ETFDH: variants seen among roughly 807,000 people sequenced by gnomAD.
ETFDH encodes electron transfer flavoprotein dehydrogenase, also known as electron transfer flavoprotein-ubiquinone oxidoreductase, mitochondrial.
ETFDH carries 61 observed loss-of-function variants against 73.2 expected under a neutral mutation model. The observed-to-expected ratio is 0.83, with a 90% CI of 0.68 to 1.03. ETFDH has a LOEUF of 1.03. ETFDH is among the 50% of genes least tolerant of loss of function. The pLI is 0.00. For synonymous variants in ETFDH, 243 were observed against 253.3 expected, an observed-to-expected ratio of 0.96 and a Z score of 0.39; for missense variants, 685 against 745.0, an observed-to-expected ratio of 0.92 and a Z score of 0.94.
rs1248795834 is a variant in ETFDH at position 158,706,174 on chromosome 4, T to A, written c.1286-15T>A. On this transcript the variant is annotated splice_polypyrimidine_tract_variant and intron_variant, in intron 10 of 12. Transcript: ENST00000511912. The stretch of plus-strand genomic sequence containing the variant: ...GGGCAGTTTCGCACTTAACATTTCA[T>A]GTTTTTAATAAAAGGACTCCATGTA... The A allele has an allele frequency of 2.5e-6, 4 of 1,579,420 alleles. No homozygotes were observed. The highest frequency in any genetic ancestry group is 3.5e-6 in the Non-Finnish European group (4 of 1,148,334).
intron 8 of ETFDH, 101 bp downstream of exon 8, chr4:158,697,800 T>A (rs907330815): frequency 1.8e-6 from 2 of 1,109,336 alleles, no homozygotes; most frequent in African/African-American, 1.6e-5. Context: ...AAAATGCTTT[T>A]TATTTAAAGC....
At chr4:158,691,316 A>G (rs4399940) in intron 6 of ETFDH, among the ~76,000 whole-genome samples, 147,086 of 152,148 alleles carry the variant, frequency 0.97, 71,100 homozygotes, top group East Asian at 1. Context: ...ATACTTTGAC[A>G]TGTTTGTTTG....
chr4:158,687,734 G>C (rs1013539950), intron 5 of ETFDH, among the ~76,000 whole-genome samples: 2 of 152,040 alleles, frequency 1.3e-5, no homozygotes, highest in Non-Finnish European at 2.9e-5. Flanking sequence ...TGCATTACTG[G>C]GGAAATTATT....
intron 6 of ETFDH, among the ~76,000 whole-genome samples, chr4:158,694,121 T>C (rs1451201001): frequency 6.6e-6 from 1 of 152,252 alleles, no homozygotes; most frequent in East Asian, 1.9e-4. Context: ...CTCATGTATT[T>C]ATTTAATGTC....
intron 3 of ETFDH, among the ~76,000 whole-genome samples, 181 bp from the exon 4 acceptor site, chr4:158,684,411 T>G (rs1287123788): frequency 6.6e-6 from 1 of 151,800 alleles, no homozygotes; most frequent in Admixed American, 6.6e-5. Context: ...AAAAAAAGAT[T>G]TCTGTACATC....
At chr4:158,686,343 A>T (rs1340442438) in intron 5 of ETFDH, among the ~76,000 whole-genome samples, 1 of 152,220 alleles carries the variant, frequency 6.6e-6, no homozygotes, top group African/African-American at 2.4e-5. Context: ...TGTTTAATCA[A>T]AGTTTTACAT....
At position 158,685,166 on chromosome 4, in the gene ETFDH, G is replaced by T; in HGVS notation, c.553G>T (p.Glu185Ter). 2 of 1,612,612 alleles carry T rather than the reference G, an allele frequency of 1.2e-6. No homozygotes were observed. Among genetic ancestry groups the T allele is most frequent in the South Asian group, 2.2e-5 (2 of 90,960 alleles). Residue 185 changes from glutamate (E) to a stop codon, truncating the protein, a stop_gained, in exon 5 of 13, where the codon GAA becomes TAA. Transcript: ENST00000511912. LOFTEE classifies it high-confidence loss of function. ...GGGACATTTAGTGAGCTGGATGGGC[G>T]AACAAGCAGAAGCCCTTGGTGTTGA... Reference protein sequence around the residue: ...RLGHLVSWMGEQAEALGVEVY... With the variant: ...RLGHLVSWMG
intron 10 of ETFDH, among the ~76,000 whole-genome samples, chr4:158,705,121 G>A (rs1316459834): frequency 6.6e-6 from 1 of 152,194 alleles, no homozygotes. Context: ...GTCATGTGGA[G>A]TCCACCAAAA....
intron 5 of ETFDH, among the ~76,000 whole-genome samples, chr4:158,688,168 C>T (rs565181865): frequency 2.0e-5 from 3 of 152,192 alleles, no homozygotes; most frequent in East Asian, 1.9e-4. Context: ...CCCAGGTGGG[C>T]GGATCACGAG....
At chr4:158,679,381 C>G (rs1484539686) in intron 1 of ETFDH, 1 of 151,916 alleles carries the variant, frequency 6.6e-6, no homozygotes, top group Non-Finnish European at 1.5e-5. Context: ...CTCTAGACAA[C>G]GGGAGAGATA....
chr4:158,707,830 G>C (rs2126319140), intron 12 of ETFDH, among the ~76,000 whole-genome samples: 1 of 152,272 alleles, frequency 6.6e-6, no homozygotes, highest in South Asian at 2.1e-4. Flanking sequence ...TAAGGTCTAT[G>C]GTAAGACTGT....
intron 9 of ETFDH, among the ~76,000 whole-genome samples, chr4:158,700,033 A>T (rs6856561): frequency 0.21 from 31,693 of 152,138 alleles, 3,642 homozygotes; most frequent in South Asian, 0.27. Flanking sequence ...AATAAAGATG[A>T]TCCCTCTGTC....
intron 5 of ETFDH, among the ~76,000 whole-genome samples, chr4:158,688,460 C>T (rs918026325): frequency 2.7e-5 from 4 of 149,416 alleles, no homozygotes; most frequent in Non-Finnish European, 4.4e-5. Flanking sequence ...CTGAGGTGGG[C>T]GGATCACGAG....
intron 1 of ETFDH, chr4:158,680,099 A>AAAAAAAAAAAAG (rs1232971602): frequency 6.5e-6 from 1 of 152,768 alleles, no homozygotes; most frequent in Non-Finnish European, 1.4e-5. Context: ...AAAAAAAAAA[A>AAAAAAAAAAAAG]AAGAAGAAGA....
intron 12 of ETFDH, among the ~76,000 whole-genome samples, chr4:158,707,908 G>C (rs1045016347): frequency 6.6e-6 from 1 of 152,178 alleles, no homozygotes; most frequent in Non-Finnish European, 1.5e-5. Flanking sequence ...TAGAAGTTAT[G>C]GCCAGAGTGT....
Position 158,682,363 on chromosome 4 carries a change from CAG to C in ETFDH, c.345_346del (p.Ala117LeufsTer3), listed in dbSNP as rs1249239184. ...GCCCAGATAGGAGCTCATACTCTCT[CAG>C]GGGCTTGCCTTGATCCAGGTGCTTT... is the stretch of plus-strand genomic sequence containing the variant. On this transcript the variant is annotated frameshift_variant, in exon 3 of 13. Transcript: ENST00000511912. LOFTEE classifies it high-confidence loss of function. 1.2e-6 allele frequency: 2 copies of C among 1,614,172 alleles called. No homozygotes were observed. The highest frequency in any genetic ancestry group is 1.7e-5 in the Admixed American group (1 of 60,026).
In ETFDH at chr4:158,673,833, T is replaced by C. The variant is rs186635968; in HGVS notation, c.34+1343T>C. On this transcript the variant is annotated intron_variant, in intron 1 of 12. Coordinates refer to ENST00000511912, the MANE Select transcript of ETFDH (RefSeq NM_004453.4). The stretch of plus-strand genomic sequence containing the variant: ...TTGCCATTTTCGTAGCCTGCTGGCA[T>C]GAAAGAGGTAGACACCAATGTGCCA... Among the ~76,000 whole-genome samples the C allele has an allele frequency of 2.4e-3, 362 of 152,344 alleles. 2 individuals carry two copies. Among genetic ancestry groups the C allele is most frequent in the Non-Finnish European group, 1.5e-3 (103 of 68,032 alleles).
Position 158,706,730 on chromosome 4 carries a change from C to A in ETFDH, c.1570C>A (p.Leu524Met). The change falls in exon 12 of 13, where the codon CTG (leucine) becomes ATG (methionine). Residue 524 changes from leucine to methionine, a missense_variant. Around this residue, in one of 3 missense-constraint regions of ETFDH, gnomAD observed 201 missense variants for 225.2 expected, o/e 0.89. Transcript: ENST00000511912. Reference sequence around the variant, plus strand: ...TTTTGACCTCTTGTCATCTGTGGCTCTGAGTGGTACTAATCATGAACATGA... The same window carrying A: ...TTTTGACCTCTTGTCATCTGTGGCTATGAGTGGTACTAATCATGAACATGA... ...ISFDLLSSVA[L>M]SGTNHEHDQP... 6.2e-7 allele frequency: 1 copy of A among 1,613,728 alleles called. No homozygotes were observed. The highest frequency in any genetic ancestry group is 1.1e-5 in the South Asian group (1 of 91,074).
intron 5 of ETFDH, among the ~76,000 whole-genome samples, chr4:158,688,302 G>A (rs1461634561): frequency 7.5e-5 from 11 of 147,320 alleles, no homozygotes; most frequent in South Asian, 4.3e-4. Flanking sequence ...TGAGGCAGGA[G>A]AATCACTTGA....
Sources: gnomAD v4.1 joint callset for allele counts (sites outside exome capture counted in the v4.1 genomes callset) on GRCh38, gnomAD v4.1.1 for gene constraint, gnomAD v4.1.1 regional missense constraint, MANE v1.5 for transcripts, NCBI Gene and HGNC (gene_info 2026-07-23, HGNC 2026-07-21) for gene names.